RAPGEF4: variants seen among roughly 807,000 people sequenced by gnomAD.
The protein encoded by RAPGEF4 is Rap guanine nucleotide exchange factor 4.
Under a neutral mutation model 147.9 loss-of-function variants are expected in RAPGEF4, and 66 were observed. The ratio of observed to expected loss-of-function variants is 0.45; its 90% CI spans 0.37 to 0.55. The LOEUF (loss-of-function observed/expected upper bound fraction) is 0.55, where lower values mean the gene tolerates loss of function less well. RAPGEF4 is among the 20% of genes least tolerant of loss of function. The probability of loss-of-function intolerance (pLI) is 0.00; values close to 1 mark genes in which losing one functional copy is unlikely to be tolerated. For synonymous variants in RAPGEF4, 419 were observed against 442.7 expected, an observed-to-expected ratio of 0.95 and a Z score of 0.67; for missense variants, 1,071 against 1,257.3, an observed-to-expected ratio of 0.85 and a Z score of 2.24.
intron 26 of RAPGEF4, among the ~76,000 whole-genome samples, chr2:173,032,807 A>G (rs1452846575): frequency 2.6e-5 from 4 of 152,246 alleles, no homozygotes; most frequent in Non-Finnish European, 5.9e-5. Context: ...GAAAGAGCCA[A>G]GAAGAGCCAT....
chr2:172,946,743 A>G (rs1687714650), intron 6 of RAPGEF4, among the ~76,000 whole-genome samples: 1 of 152,172 alleles, frequency 6.6e-6, no homozygotes, highest in South Asian at 2.1e-4. Context: ...CTGACTCTAT[A>G]AAATACTTGT....
intron 4 of RAPGEF4, among the ~76,000 whole-genome samples, chr2:172,845,334 T>C (rs1692059740): frequency 6.6e-6 from 1 of 152,174 alleles, no homozygotes; most frequent in African/African-American, 2.4e-5. Context: ...AAGCAACGCC[T>C]AATGAGATGC....
At position 172,814,395 on chromosome 2, in the gene RAPGEF4, C is replaced by T. The variant is rs1442027973; in HGVS notation, c.414C>T (p.Ile138=). ...GGGAGAGCAGTGAACTGCTCCGCAT[C>T]GAGCAGAAGGACTTCAAGGCACTAT... The part of the protein sequence containing the change: ...VTRESSELLR[I]EQKDFKALWE... The change falls in exon 4 of 31, where the codon ATC becomes ATT. Residue 138 remains isoleucine, a synonymous_variant. Transcript: ENST00000397081. The T allele has an allele frequency of 9.9e-6, 16 of 1,614,032 alleles. No individual in the cohort carries two copies. Among genetic ancestry groups the T allele is most frequent in the Non-Finnish European group, 1.3e-5 (15 of 1,180,024 alleles).
At chr2:172,957,051 GTCTAC>G (rs1688818343) in intron 6 of RAPGEF4, among the ~76,000 whole-genome samples, 1 of 152,188 alleles carries the variant, frequency 6.6e-6, no homozygotes, top group African/African-American at 2.4e-5. Context: ...TAGACCTGGA[GTCTAC>G]TCTAAGCAAT....
intron 4 of RAPGEF4, among the ~76,000 whole-genome samples, chr2:172,898,205 CT>C (rs1483152991): frequency 6.6e-6 from 1 of 152,094 alleles, no homozygotes; most frequent in African/African-American, 2.4e-5. Flanking sequence ...AGCTAAAGCT[CT>C]GAAAGGGAGG....
chr2:172,912,483 T>C (rs1683540917), intron 4 of RAPGEF4, among the ~76,000 whole-genome samples: 1 of 152,212 alleles, frequency 6.6e-6, no homozygotes, highest in African/African-American at 2.4e-5. Context: ...AGTTGCACAG[T>C]TGGCCTCCTT....
chr2:172,792,577 T>G (rs1685933813), intron 1 of RAPGEF4, among the ~76,000 whole-genome samples: 2 of 152,146 alleles, frequency 1.3e-5, no homozygotes, highest in South Asian at 4.1e-4. Context: ...GGCATATTCT[T>G]TGAATCTAGT....
intron 3 of RAPGEF4, among the ~76,000 whole-genome samples, chr2:172,797,834 A>G (rs1686538636): frequency 6.6e-6 from 1 of 152,164 alleles, no homozygotes; most frequent in Non-Finnish European, 1.5e-5. Flanking sequence ...AAAACATGAA[A>G]TGCAAGAACA....
chr2:172,972,960 T>C (rs1311369223), intron 10 of RAPGEF4, among the ~76,000 whole-genome samples: 1 of 152,232 alleles, frequency 6.6e-6, no homozygotes, highest in Non-Finnish European at 1.5e-5. Context: ...CTTTTTACAC[T>C]TAATAACATA....
chr2:172,822,031 A>G, intron 4 of RAPGEF4: 12 of 1,590,310 alleles, frequency 7.5e-6, no homozygotes, highest in Non-Finnish European at 1.0e-5. Flanking sequence ...GGGAAATACT[A>G]CATGTTACTG....
At chr2:172,921,376 C>T (rs1021459726) in intron 5 of RAPGEF4, among the ~76,000 whole-genome samples, 1 of 152,194 alleles carries the variant, frequency 6.6e-6, no homozygotes, top group Non-Finnish European at 1.5e-5. Context: ...GTGTGAGCCA[C>T]TGCATCCAGC....
chr2:172,875,826 T>A (rs761944962), intron 4 of RAPGEF4, among the ~76,000 whole-genome samples: 9 of 152,202 alleles, frequency 5.9e-5, no homozygotes, highest in Non-Finnish European at 1.2e-4. Context: ...ATCTATAAAT[T>A]ACCTTGGGCA....
intron 1 of RAPGEF4, among the ~76,000 whole-genome samples, chr2:172,765,677 A>G (rs1486064853): frequency 2.0e-5 from 3 of 152,204 alleles, no homozygotes; most frequent in African/African-American, 7.2e-5. Context: ...CGATTTCCTC[A>G]TATTTTCCTA....
At chr2:173,014,858 T>A (rs1013962710) in intron 18 of RAPGEF4, among the ~76,000 whole-genome samples, 3 of 152,178 alleles carry the variant, frequency 2.0e-5, no homozygotes, top group Non-Finnish European at 4.4e-5. Flanking sequence ...TCTTTGTATG[T>A]TTTATCTTGT....
At chr2:172,773,266 TAA>T (rs1267252985) in intron 1 of RAPGEF4, among the ~76,000 whole-genome samples, 2 of 152,214 alleles carry the variant, frequency 1.3e-5, no homozygotes, top group African/African-American at 4.8e-5. Flanking sequence ...TGAACACATT[TAA>T]AGAGTTTACT....
At chr2:173,045,957 A>G (rs2106076006) in intron 29 of RAPGEF4, among the ~76,000 whole-genome samples, 1 of 152,290 alleles carries the variant, frequency 6.6e-6, no homozygotes, top group South Asian at 2.1e-4. Flanking sequence ...AATGGGTGCA[A>G]AAGGAGGTGA....
chr2:172,869,879 T>C (rs1200618261), intron 4 of RAPGEF4, among the ~76,000 whole-genome samples: 1 of 152,166 alleles, frequency 6.6e-6, no homozygotes, highest in African/African-American at 2.4e-5. Flanking sequence ...TCTTTTTATA[T>C]GGGCTGCAGA....
chr2:172,748,555 C>G (rs1209493281), intron 1 of RAPGEF4, among the ~76,000 whole-genome samples: 1 of 152,106 alleles, frequency 6.6e-6, no homozygotes, highest in Non-Finnish European at 1.5e-5. Context: ...CAGTTATCTC[C>G]CACCGGGTCC....
chr2:172,963,432 A>C (rs1001479590), intron 8 of RAPGEF4, among the ~76,000 whole-genome samples: 3 of 152,210 alleles, frequency 2.0e-5, no homozygotes, highest in Non-Finnish European at 4.4e-5. Context: ...AAATTGTATT[A>C]CTTTTTTCCA....
Sources: gnomAD v4.1 joint callset for allele counts (sites outside exome capture counted in the v4.1 genomes callset) on GRCh38, gnomAD v4.1.1 for gene constraint, MANE v1.5 for transcripts, NCBI Gene and HGNC (gene_info 2026-07-23, HGNC 2026-07-21) for gene names.